RBFOX2: variants seen among roughly 807,000 people sequenced by gnomAD.
The protein encoded by RBFOX2 is RNA binding fox-1 homolog 2.
RBFOX2 carries 10 observed loss-of-function variants against 49.1 expected under a neutral mutation model. The ratio of observed to expected loss-of-function variants is 0.20; its 90% CI spans 0.13 to 0.35. RBFOX2 has a LOEUF of 0.35. RBFOX2 is among the 10% of genes least tolerant of loss of function. The pLI, the probability that RBFOX2 is intolerant of heterozygous loss-of-function variation, is 1.00. For synonymous variants in RBFOX2, 183 were observed against 187.4 expected, an observed-to-expected ratio of 0.98 and a Z score of 0.19; for missense variants, 323 against 486.9, an observed-to-expected ratio of 0.66 and a Z score of 3.17.
intron 9 of RBFOX2, 38 bp from the exon 11 acceptor site, chr22:35,756,182 C>T (rs1395830842): frequency 2.1e-5 from 31 of 1,481,144 alleles, no homozygotes; most frequent in Non-Finnish European, 2.6e-5. Flanking sequence ...ACAAAAAAAA[C>T]AAAAGAACAG....
chr22:35,842,604 A>G (rs545522520), upstream of RBFOX2, among the ~76,000 whole-genome samples: 24 of 152,270 alleles, frequency 1.6e-4, no homozygotes, highest in African/African-American at 4.8e-4. Flanking sequence ...TAAACCTCAG[A>G]ATCACTGTGT....
chr22:35,915,566 A>G (rs1354973867), intron 1 of RBFOX2, among the ~76,000 whole-genome samples: 1 of 152,228 alleles, frequency 6.6e-6, no homozygotes, highest in African/African-American at 2.4e-5. Flanking sequence ...GAGCTGCTGA[A>G]AAGTGCATTC....
intron 1 of RBFOX2, among the ~76,000 whole-genome samples, chr22:36,009,120 T>C (rs2058721570): frequency 1.3e-5 from 2 of 152,222 alleles, no homozygotes; most frequent in Admixed American, 1.3e-4. Context: ...AGTCTTTCAG[T>C]GAACACAATA....
At chr22:35,742,017 A>T (rs943768273) in exon 12 of RBFOX2, 1 of 152,216 alleles carries the variant, frequency 6.6e-6, no homozygotes, top group South Asian at 2.1e-4. Flanking sequence ...CCCTCAAAGC[A>T]AAAGCAAAAG....
intron 1 of RBFOX2, among the ~76,000 whole-genome samples, chr22:35,969,689 T>C (rs1423660981): frequency 6.6e-6 from 1 of 152,202 alleles, no homozygotes; most frequent in Non-Finnish European, 1.5e-5. Flanking sequence ...AGGAAGTTAG[T>C]ATGCTTAAAA....
At position 36,014,736 on chromosome 22, in the gene RBFOX2, AGAGT is replaced by A. The variant is rs570091419; in HGVS notation, c.186+13500_186+13503del. Among the ~76,000 whole-genome samples, 488 of 152,356 alleles carry A rather than the reference AGAGT, an allele frequency of 3.2e-3. 2 individuals are homozygous for A. Among genetic ancestry groups the A allele is most frequent in the African/African-American group, 0.01 (426 of 41,572 alleles). Reference sequence around the variant, plus strand: ...ACACCACTCCTAGAGAAAGAAACGCAGAGTAAGCATAAAAGAAAATTGCGCATGC... The same window carrying A: ...ACACCACTCCTAGAGAAAGAAACGCAAAGCATAAAAGAAAATTGCGCATGC... On this transcript the variant is annotated intron_variant, in intron 1 of 13. Transcript: ENST00000438146.
At chr22:35,786,204 T>C (rs1946356284) in intron 2 of RBFOX2, among the ~76,000 whole-genome samples, 1 of 152,222 alleles carries the variant, frequency 6.6e-6, no homozygotes, top group African/African-American at 2.4e-5. Context: ...AAGGTGCTTA[T>C]CTGTAGCTCT....
chr22:35,923,747 T>C (rs1306036317), intron 1 of RBFOX2, among the ~76,000 whole-genome samples: 1 of 151,574 alleles, frequency 6.6e-6, no homozygotes, highest in African/African-American at 2.4e-5. Context: ...CACTGGGGTC[T>C]TACCAAAGAT....
rs1944322739 is a variant in RBFOX2 at position 35,777,921 on chromosome 22, T to C, written c.453+104A>G. 2.5e-6 allele frequency: 3 copies of C among 1,197,230 alleles called. No homozygotes were observed. The Admixed American group carries it at 7.2e-5, about 29-fold the overall frequency. 74.2% of individuals were successfully genotyped at this position (1,197,230 alleles called of 1,614,324 possible). A position where few individuals can be genotyped will look rare whatever the true frequency, so the allele number is the denominator to read the frequency against. Reference sequence around the variant, plus strand: ...CCAAGGTGGATAATTAGGATACTTTTATGCAGGCTTGAAAACAGCTTATGT... The same window carrying C: ...CCAAGGTGGATAATTAGGATACTTTCATGCAGGCTTGAAAACAGCTTATGT... On this transcript the variant is annotated intron_variant, in intron 4 of 11. Transcript: ENST00000405409.
intron 1 of RBFOX2, among the ~76,000 whole-genome samples, chr22:35,899,169 TAACATAACA>T (rs748240882): frequency 2.5e-4 from 37 of 149,942 alleles, no homozygotes; most frequent in Admixed American, 6.7e-4. Context: ...TAACATAACA[TAACATAACA>T]AACATAAAAA....
chr22:35,899,327 G>A (rs1453944676), intron 1 of RBFOX2, among the ~76,000 whole-genome samples: 2 of 151,972 alleles, frequency 1.3e-5, no homozygotes, highest in Admixed American at 1.3e-4. Context: ...TCCCATGGGT[G>A]GAACCACCAT....
At chr22:35,784,987 TTTTTA>T (rs1401493290) in intron 2 of RBFOX2, among the ~76,000 whole-genome samples, 2 of 152,132 alleles carry the variant, frequency 1.3e-5, no homozygotes, top group African/African-American at 2.4e-5. Context: ...CATTTATTTA[TTTTTA>T]TTTTATTATT....
chr22:36,016,237 T>C (rs760104605), intron 1 of RBFOX2, among the ~76,000 whole-genome samples: 9 of 152,136 alleles, frequency 5.9e-5, no homozygotes, highest in Non-Finnish European at 1.3e-4. Context: ...AAGAAATTTC[T>C]ATGAGCCTCT....
intron 1 of RBFOX2, among the ~76,000 whole-genome samples, chr22:35,895,238 A>C (rs1248641733): frequency 6.6e-6 from 1 of 152,166 alleles, no homozygotes; most frequent in Non-Finnish European, 1.5e-5. Context: ...ATTATTGCAA[A>C]AGACAGGGAT....
intron 1 of RBFOX2, among the ~76,000 whole-genome samples, chr22:35,977,761 T>C (rs5756024): frequency 0.026 from 2,378 of 90,708 alleles, 48 homozygotes; most frequent in Non-Finnish European, 0.029. Flanking sequence ...TATATATATA[T>C]ACATGCACAC....
intron 1 of RBFOX2, among the ~76,000 whole-genome samples, chr22:35,875,809 T>C (rs1159417271): frequency 6.6e-6 from 1 of 152,206 alleles, no homozygotes; most frequent in African/African-American, 2.4e-5. Flanking sequence ...CATATTAAAC[T>C]TTACATTTTA....
Position 35,791,541 on chromosome 22 carries a change from A to G in RBFOX2, c.253-9795T>C, listed in dbSNP as rs537233268. Among the ~76,000 whole-genome samples, 24 of 152,348 alleles carry G rather than the reference A, an allele frequency of 1.6e-4. No individual in the cohort carries two copies. In the South Asian group the frequency reaches 2.7e-3, roughly 17 times the overall value. The stretch of plus-strand genomic sequence containing the variant: ...TATTCAAAATGTGATTGGAACTCTT[A>G]TGAAACTTAGAAAGAGACTGAAAGT... On this transcript the variant is annotated intron_variant, in intron 2 of 11. Coordinates refer to ENST00000405409, the Ensembl canonical transcript of RBFOX2.
At chr22:35,835,946 CT>C (rs539539745) in intron 1 of RBFOX2, among the ~76,000 whole-genome samples, 9 of 147,730 alleles carry the variant, frequency 6.1e-5, no homozygotes, top group East Asian at 2.0e-4. Context: ...AAAAGTGAGG[CT>C]TTTTTTTTTC....
chr22:35,961,338 T>C (rs950277202), intron 1 of RBFOX2, among the ~76,000 whole-genome samples: 1 of 152,214 alleles, frequency 6.6e-6, no homozygotes, highest in African/African-American at 2.4e-5. Context: ...TACATCTAGA[T>C]GAGCTCCTTT....
Sources: allele counts gnomAD v4.1 joint callset (sites outside exome capture counted in the v4.1 genomes callset), GRCh38; gene constraint gnomAD v4.1.1; transcripts MANE v1.5; gene names NCBI Gene and HGNC (gene_info 2026-07-23, HGNC 2026-07-21).